The following LRRC4C variants were observed in gnomAD, a reference collection of about 807,000 sequenced individuals.
The protein encoded by LRRC4C is leucine-rich repeat-containing protein 4C.
Under a neutral mutation model 33.6 loss-of-function variants are expected in LRRC4C, and 5 were observed. That is an observed-to-expected ratio of 0.15 (90% CI 0.08 to 0.31). LRRC4C has a LOEUF of 0.31. Ranked by LOEUF, LRRC4C falls within the 10% of genes least tolerant of loss-of-function variation. The probability of loss-of-function intolerance (pLI) is 1.00; values close to 1 mark genes in which losing one functional copy is unlikely to be tolerated. For missense variants in LRRC4C, 560 were observed against 796.7 expected, an observed-to-expected ratio of 0.70 and a Z score of 3.58; for synonymous variants, 329 against 302.0, an observed-to-expected ratio of 1.09 and a Z score of -0.93.
At chr11:40,508,502 C>A (rs16934896) in intron 3 of LRRC4C, among the ~76,000 whole-genome samples, 22,231 of 147,290 alleles carry the variant, frequency 0.15, 1,745 homozygotes, top group African/African-American at 0.22. Context: ...GAAAAAAAAA[C>A]CTGCCTTGTC....
chr11:41,005,480 T>A (rs4608066), intron 1 of LRRC4C, among the ~76,000 whole-genome samples: 1 of 151,906 alleles, frequency 6.6e-6, no homozygotes, highest in Non-Finnish European at 1.5e-5. Context: ...GGCACATGCC[T>A]GTAATCCCAG....
At chr11:40,874,966 A>G (rs566320517) in intron 2 of LRRC4C, among the ~76,000 whole-genome samples, 1 of 152,332 alleles carries the variant, frequency 6.6e-6, no homozygotes, top group Admixed American at 6.5e-5. Context: ...AACAATGAGA[A>G]GTCATTTGAG....
At chr11:41,192,524 A>G (rs1358133857) in intron 1 of LRRC4C, among the ~76,000 whole-genome samples, 5 of 152,016 alleles carry the variant, frequency 3.3e-5, no homozygotes, top group Non-Finnish European at 5.9e-5. Context: ...ATTCCCCCAA[A>G]TCTGTATCAC....
At chr11:40,581,876 C>T (rs745748432) in intron 3 of LRRC4C, among the ~76,000 whole-genome samples, 1 of 152,010 alleles carries the variant, frequency 6.6e-6, no homozygotes. Flanking sequence ...GCACTCCAGC[C>T]TGGGTGACAG....
intron 1 of LRRC4C, among the ~76,000 whole-genome samples, chr11:41,261,857 A>G (rs765852572): frequency 1.3e-5 from 2 of 152,146 alleles, no homozygotes; most frequent in African/African-American, 2.4e-5. Context: ...AAATTAAAAT[A>G]AGGTAAAACC....
chr11:40,307,165 C>T (rs987630716), intron 4 of LRRC4C, among the ~76,000 whole-genome samples: 1 of 151,902 alleles, frequency 6.6e-6, no homozygotes, highest in Admixed American at 6.6e-5. Context: ...ACCTCCTCAC[C>T]CCCCATTATG....
At chr11:40,659,868 A>G (rs1176275165) in intron 2 of LRRC4C, among the ~76,000 whole-genome samples, 6 of 152,144 alleles carry the variant, frequency 3.9e-5, no homozygotes, top group Non-Finnish European at 7.4e-5. Context: ...CATGTACCTC[A>G]TTCTTTATGG....
chr11:40,464,319 A>G (rs1262182876), intron 3 of LRRC4C, among the ~76,000 whole-genome samples: 8 of 152,022 alleles, frequency 5.3e-5, no homozygotes, highest in Admixed American at 3.9e-4. Context: ...GCATCAAAGG[A>G]ACACATATCA....
intron 1 of LRRC4C, among the ~76,000 whole-genome samples, chr11:41,089,357 G>A (rs1940234215): frequency 6.6e-6 from 1 of 151,936 alleles, no homozygotes; most frequent in South Asian, 2.1e-4. Flanking sequence ...TCTTAAAGGT[G>A]CCAATTATTG....
rs1344650797 is a variant in LRRC4C, at chr11:40,884,852, C to T, written c.-407+48783G>A. On this transcript the variant is annotated intron_variant, in intron 2 of 6. Coordinates refer to ENST00000528697, the MANE Select transcript of LRRC4C (RefSeq NM_001258419.2). ...AAAATCTATCCCATGGAACTGGAGG[C>T]CATTATCTGAAGTAAAACAATGGAG... 2.6e-5 allele frequency among the ~76,000 whole-genome samples: 4 copies of T among 152,040 alleles called. No homozygotes were observed. In the South Asian group the frequency reaches 8.3e-4, roughly 32 times the overall value.
At chr11:40,885,885 A>G (rs2136063505) in intron 2 of LRRC4C, among the ~76,000 whole-genome samples, 1 of 152,198 alleles carries the variant, frequency 6.6e-6, no homozygotes, top group South Asian at 2.1e-4. Flanking sequence ...TAAGGGCCTC[A>G]ATGCTCTAAG....
At chr11:40,646,149 G>A (rs1942442113) in intron 3 of LRRC4C, among the ~76,000 whole-genome samples, 1 of 151,974 alleles carries the variant, frequency 6.6e-6, no homozygotes, top group Non-Finnish European at 1.5e-5. Flanking sequence ...GATTCACACA[G>A]GTCATTAGCA....
intron 1 of LRRC4C, among the ~76,000 whole-genome samples, chr11:41,374,708 G>T (rs1043617830): frequency 6.6e-6 from 1 of 152,112 alleles, no homozygotes; most frequent in South Asian, 2.1e-4. Context: ...AGGGTATTAG[G>T]TTACACTGAG....
chr11:40,232,330 T>C (rs530429009), intron 5 of LRRC4C, among the ~76,000 whole-genome samples: 65 of 152,262 alleles, frequency 4.3e-4, no homozygotes, highest in African/African-American at 1.5e-3. Context: ...TATATCTCTC[T>C]TCACATAATG....
intron 1 of LRRC4C, among the ~76,000 whole-genome samples, chr11:41,114,614 CAT>C (rs1942022443): frequency 6.6e-6 from 1 of 152,006 alleles, no homozygotes; most frequent in South Asian, 2.1e-4. Context: ...CTTTTTTACA[CAT>C]CTCTAAATTT....
At chr11:40,510,721 C>T (rs775762931) in intron 3 of LRRC4C, among the ~76,000 whole-genome samples, 37 of 152,134 alleles carry the variant, frequency 2.4e-4, no homozygotes, top group Non-Finnish European at 4.4e-4. Context: ...ACCTTGTCAC[C>T]CACCTAGTTG....
chr11:40,917,229 C>G (rs1453515106), intron 2 of LRRC4C, among the ~76,000 whole-genome samples: 3 of 152,082 alleles, frequency 2.0e-5, no homozygotes, highest in Non-Finnish European at 4.4e-5. Flanking sequence ...TTTTCCTTCT[C>G]TCCATAATGT....
chr11:40,725,890 G>A (rs1174287181), intron 2 of LRRC4C, among the ~76,000 whole-genome samples: 2 of 152,072 alleles, frequency 1.3e-5, no homozygotes, highest in Non-Finnish European at 2.9e-5. Flanking sequence ...ACTTCTGTTT[G>A]GCCTCCTGTT....
intron 3 of LRRC4C, among the ~76,000 whole-genome samples, chr11:40,645,304 A>C (rs1942381612): frequency 6.6e-6 from 1 of 152,146 alleles, no homozygotes; most frequent in Non-Finnish European, 1.5e-5. Flanking sequence ...AAACACACAG[A>C]CACACACAAA....
Sources: gnomAD v4.1 joint callset for allele counts (sites outside exome capture counted in the v4.1 genomes callset) on GRCh38, gnomAD v4.1.1 for gene constraint, MANE v1.5 for transcripts, NCBI Gene and HGNC (gene_info 2026-07-23, HGNC 2026-07-21) for gene names.